The following SCNN1D variants were observed in gnomAD, a reference collection of about 807,000 sequenced individuals.
SCNN1D encodes epithelial sodium channel subunit delta.
Under a neutral mutation model 87.8 loss-of-function variants are expected in SCNN1D, and 104 were observed. The ratio of observed to expected loss-of-function variants is 1.18; its 90% CI spans 1.01 to 1.39. The LOEUF is 1.39. SCNN1D is among the 40% of genes most tolerant of loss of function. The probability of loss-of-function intolerance (pLI) is 0.00; values close to 1 mark genes in which losing one functional copy is unlikely to be tolerated. For synonymous variants in SCNN1D, 628 were observed against 481.2 expected (o/e 1.31, Z -3.99); for missense variants, 1,324 against 1,093.9 (o/e 1.21, Z -2.97).
rs1340015568 is a variant in SCNN1D, at chr1:1,286,270, C to T, written c.903C>T (p.Asn301=). The change falls in exon 7 of 18, where the codon AAC becomes AAT. Residue 301 remains asparagine, a synonymous_variant. Transcript: ENST00000379116. ...CGCTGGTCACCCTGTGTGACGGGAA[C>T]CCACGTCGGTGAGGGCCAGGGCTGT... ...LLPLVTLCDG[N]PRRPSPVLRH... is the part of the protein sequence containing the mutation. 4.4e-6 allele frequency: 7 copies of T among 1,580,190 alleles called. No individual in the cohort carries two copies. Among genetic ancestry groups the T allele is most frequent in the Middle Eastern group, 1.7e-4 (1 of 6,016 alleles).
intron 12 of SCNN1D, 25 bp from the exon 13 acceptor site, chr1:1,290,246 C>A: frequency 2.6e-6 from 4 of 1,511,444 alleles, no homozygotes; most frequent in Non-Finnish European, 3.6e-6. Context: ...CATCCCATGT[C>A]CCTGCTCATC....
chr1:1,290,990 C>T (rs375302884), intron 16 of SCNN1D, 37 bp downstream of exon 16: 4 of 1,590,166 alleles, frequency 2.5e-6, no homozygotes, highest in Non-Finnish European at 3.4e-6. Flanking sequence ...GGCATCACAG[C>T]CCCTCTCCCC....
chr1:1,290,578 G>C (rs200248857), intron 14 of SCNN1D, 23 bp downstream of exon 14: 1 of 1,612,530 alleles, frequency 6.2e-7, no homozygotes, highest in Non-Finnish European at 8.5e-7. Context: ...TGTTGGGGTC[G>C]CGGCCAGGGA....
chr1:1,285,486 CAG>C (rs1479244777), intron 5 of SCNN1D, 83 bp from the exon 6 acceptor site: 7 of 933,764 alleles, frequency 7.5e-6, no homozygotes, highest in Non-Finnish European at 1.1e-5. Flanking sequence ...GTGCAGCCAT[CAG>C]GGGCAAGAAG....
chr1:1,281,963 G>A (rs964000204), intron 3 of SCNN1D: 4 of 570,770 alleles, frequency 7.0e-6, no homozygotes, highest in South Asian at 2.2e-5. Context: ...CCTTGTCCCC[G>A]CCTGCCAAGT....
rs917267035 is a variant in SCNN1D, at chr1:1,288,080, G to A, written c.1662+43G>A. 1.0e-5 allele frequency: 14 copies of A among 1,381,768 alleles called. No homozygotes were observed. In the African/African-American group the frequency reaches 1.5e-4, roughly 15 times the overall value. 85.6% of individuals were successfully genotyped at this position (1,381,768 alleles called of 1,614,324 possible). On this transcript the variant is annotated intron_variant, in intron 12 of 17. Coordinates refer to ENST00000379116, the MANE Select transcript of SCNN1D (RefSeq NM_001130413.4). ...GGGGGTGCGGGGGCAGGTGAGGCTG[G>A]GCTGGCCAGGGGGTGTGGGCGGGTG...
chr1:1,285,288 G>A (rs895211972), intron 5 of SCNN1D, among the ~76,000 whole-genome samples: 5 of 152,244 alleles, frequency 3.3e-5, no homozygotes, highest in South Asian at 4.1e-4. Flanking sequence ...CCTCCAGCGC[G>A]GGACTGGGCA....
In SCNN1D at chr1:1,281,444, C is replaced by T. The variant is rs925303091; in HGVS notation, c.111C>T (p.Thr37=). The change falls in exon 3 of 18, where the codon ACC becomes ACT. Residue 37 remains threonine (T), a synonymous_variant. Transcript: ENST00000379116. ...LTWSWCSDHR[T]PTCRELGSPH... The stretch of plus-strand genomic sequence containing the variant: ...GGTCATGGTGCAGTGACCACAGGAC[C>T]CCCACATGCCGGGAGCTGGGTTCGC... 2 of 1,519,394 alleles carry T rather than the reference C, an allele frequency of 1.3e-6. No homozygotes were observed. Among genetic ancestry groups the T allele is most frequent in the African/African-American group, 2.7e-5 (2 of 72,836 alleles). The allele number at this position is 1,519,394 out of a possible 1,614,324, so 94.1% of individuals were successfully genotyped here. A position where few individuals can be genotyped will look rare whatever the true frequency, so the allele number is the denominator to read the frequency against.
rs1046395244 is a variant in SCNN1D, at chr1:1,285,644, G to A, written c.538G>A (p.Ala180Thr). Residue 180 changes from alanine to threonine, a missense_variant, in exon 6 of 18, where the codon GCT (alanine) becomes ACT (threonine). Ala to Thr is a moderately conservative substitution (Grantham distance 58, BLOSUM62 0). Coordinates refer to ENST00000379116, the MANE Select transcript of SCNN1D (RefSeq NM_001130413.4). ...GCAGCACAGACCCACTCAGCACAAC[G>A]CTGCCTGCAAACAGGGCCAGGTAGG... ...GWQHRPTQHNAACKQGQAAAQ... is the reference protein window; with the variant it reads ...GWQHRPTQHNTACKQGQAAAQ... The A allele has an allele frequency of 9.7e-6, 15 of 1,546,068 alleles. No homozygotes were observed. Among genetic ancestry groups the A allele is most frequent in the East Asian group, 2.4e-5 (1 of 40,872 alleles).
chr1:1,287,462 C>T lies in SCNN1D; in HGVS notation c.1311-46C>T, dbSNP rs372237809. On this transcript the variant is annotated intron_variant, in intron 9 of 17. Transcript: ENST00000379116. ...TGGCCCCTCAGGCCAGCGTGACGGG[C>T]GCGGGCAGCCGACATTCAAGGTCTG... is the stretch of plus-strand genomic sequence containing the variant. The T allele has an allele frequency of 3.6e-3, 5,407 of 1,504,010 alleles. 13 individuals carry two copies. The highest frequency in any genetic ancestry group is 4.4e-3 in the Non-Finnish European group (4,964 of 1,121,302). The allele number at this position is 1,504,010 out of a possible 1,614,324, so 93.2% of individuals were successfully genotyped here.
intron 4 of SCNN1D, among the ~76,000 whole-genome samples, 185 bp downstream of exon 4, chr1:1,282,500 C>T (rs1480285712): frequency 6.6e-6 from 1 of 152,194 alleles, no homozygotes; most frequent in African/African-American, 2.4e-5. Context: ...ACCTGGATAT[C>T]TAGGGTCCCA....
At position 1,290,199 on chromosome 1, in the gene SCNN1D, G is replaced by C. The variant is rs1977348; in HGVS notation, c.1663-72G>C. On this transcript the variant is annotated intron_variant, in intron 12 of 17. Transcript: ENST00000379116. ...CTGCTCCGTCCCGTGTCCCTGCTCC[G>C]TCCCGTGTCTCTGCCCCGTCCCCCA... The C allele has an allele frequency of 0.02, 18,457 of 938,142 alleles. 3,578 individuals are homozygous for C. The East Asian group carries it at 0.44, about 22-fold the overall frequency. The allele number at this position is 938,142 out of a possible 1,614,324, so 58.1% of individuals were successfully genotyped here.
chr1:1,282,241 G>T lies in SCNN1D; in HGVS notation c.278-1G>T. On this transcript the variant is annotated splice_acceptor_variant, in intron 3 of 17. Transcript: ENST00000379116. LOFTEE classifies it high-confidence loss of function. ...CAGTGACGAAGCTGTGATTCACACAGGCCTGGGTGACTCCAGCATGGCTTT... is the reference window on the plus strand; with the variant it reads ...CAGTGACGAAGCTGTGATTCACACATGCCTGGGTGACTCCAGCATGGCTTT... 6.8e-7 allele frequency: 1 copy of T among 1,478,522 alleles called. No homozygotes were observed. Among genetic ancestry groups the T allele is most frequent in the African/African-American group, 1.4e-5 (1 of 71,684 alleles). The allele number at this position is 1,478,522 out of a possible 1,614,324, so 91.6% of individuals were successfully genotyped here.
Position 1,290,931 on chromosome 1 carries a change from C to A in SCNN1D, c.1954C>A (p.Pro652Thr). The stretch of plus-strand genomic sequence containing the variant: ...GGCCACGCTAGGTGAACAGGGGCTG[C>A]CGCATCAGAGCCACAGACAGAGGTG... ...TLATLGEQGL[P>T]HQSHRQRSSL... is the part of the protein sequence containing the mutation. The change falls in exon 16 of 18, where the codon CCG becomes ACG. Residue 652 changes from proline (P) to threonine (T), a missense_variant. By Grantham distance (38) the Pro-to-Thr change is conservative. Transcript: ENST00000379116. 6.2e-7 allele frequency: 1 copy of A among 1,610,004 alleles called. No homozygotes were observed. The highest frequency in any genetic ancestry group is 8.5e-7 in the Non-Finnish European group (1 of 1,178,796).
intron 16 of SCNN1D, 39 bp from the exon 17 acceptor site, chr1:1,291,026 G>A: frequency 6.2e-7 from 1 of 1,600,730 alleles, no homozygotes; most frequent in Non-Finnish European, 8.5e-7. Context: ...CCATCATGAA[G>A]GTCTGGGCCA....
chr1:1,287,801 CG>C lies in SCNN1D; in HGVS notation c.1530del (p.Pro511GlnfsTer54), dbSNP rs769627858. 8 of 1,575,742 alleles carry C rather than the reference CG, an allele frequency of 5.1e-6. No individual in the cohort carries two copies. The African/African-American group carries it at 9.5e-5, about 19-fold the overall frequency. ...CCTGGGGCACCACAGCTTCAGCGTC[CG>C]GCCAGGGACGGAGGCCACCATCAGC... Reference protein sequence around the residue: ...PFLGHHSFSVRPGTEATISIR... With the variant: ...PFLGHHSFSVXPGTEATISIR... On this transcript the variant is annotated frameshift_variant, in exon 11 of 18. Transcript: ENST00000379116. LOFTEE classifies it high-confidence loss of function.
intron 12 of SCNN1D, among the ~76,000 whole-genome samples, 187 bp downstream of exon 12, chr1:1,288,224 T>A (rs560453878): frequency 3.8e-4 from 51 of 135,796 alleles, no homozygotes; most frequent in African/African-American, 1.3e-3. Flanking sequence ...CTCCGTCCCG[T>A]GTCTCTGCTC....
chr1:1,281,657 G>C (rs561813592), intron 3 of SCNN1D, 47 bp downstream of exon 3: 31 of 1,502,900 alleles, frequency 2.1e-5, no homozygotes, highest in South Asian at 4.9e-5. Flanking sequence ...AGGAGGGGAG[G>C]GGGGTGGAGC....
intron 5 of SCNN1D, 91 bp from the exon 6 acceptor site, chr1:1,285,477 TGCA>T (rs1180545785): frequency 4.5e-5 from 37 of 830,224 alleles, no homozygotes; most frequent in Middle Eastern, 7.6e-4. Context: ...CTGGGGTGGG[TGCA>T]GCCATCAGGG....
Sources: gnomAD v4.1 joint callset for allele counts (sites outside exome capture counted in the v4.1 genomes callset) on GRCh38, gnomAD v4.1.1 for gene constraint, MANE v1.5 for transcripts, NCBI Gene and HGNC (gene_info 2026-07-23, HGNC 2026-07-21) for gene names.